Variants in CNST observed in about 807,000 individuals in gnomAD.
The protein encoded by CNST is consortin.
A neutral mutation model predicts 72.4 loss-of-function variants in CNST; 39 were observed. That is an observed-to-expected ratio of 0.54 (90% CI 0.42 to 0.70). The LOEUF (loss-of-function observed/expected upper bound fraction) is 0.70, where lower values mean the gene tolerates loss of function less well. Among genes scored for constraint, CNST ranks in the 30% least tolerant of loss-of-function variants. The probability of loss-of-function intolerance (pLI) is 0.00; values close to 1 mark genes in which losing one functional copy is unlikely to be tolerated. For synonymous variants in CNST, 332 were observed against 320.1 expected (o/e 1.04, Z -0.40); for missense variants, 871 against 868.5 (o/e 1.00, Z -0.04).
intron 2 of CNST, among the ~76,000 whole-genome samples, chr1:246,614,045 T>A (rs978305650): frequency 6.6e-6 from 1 of 151,972 alleles, no homozygotes; most frequent in African/African-American, 2.4e-5. Context: ...GCCCATCAGC[T>A]TAGTTTATGC....
rs116796981 is a variant in CNST, at chr1:246,610,519, T to A, written c.380-10910T>A. Among the ~76,000 whole-genome samples the A allele has an allele frequency of 3.8e-3, 576 of 152,354 alleles. 3 individuals carry two copies. The highest frequency in any genetic ancestry group is 6.4e-3 in the Non-Finnish European group (437 of 68,030). ...CAGAATGGGCCACACTGTACTGTTT[T>A]TTTGATATGCTTGGTGATGTCTTTG... On this transcript the variant is annotated intron_variant, in intron 2 of 10. Transcript: ENST00000366513.
chr1:246,586,509 T>C (rs1299952955), intron 1 of CNST, among the ~76,000 whole-genome samples: 1 of 149,682 alleles, frequency 6.7e-6, no homozygotes, highest in African/African-American at 2.4e-5. Context: ...TATATAAATA[T>C]ATAAATATAA....
chr1:246,659,396 C>T (rs985253835), intron 9 of CNST, among the ~76,000 whole-genome samples: 8 of 152,144 alleles, frequency 5.3e-5, no homozygotes, highest in Admixed American at 3.9e-4. Flanking sequence ...AGATCGAGAC[C>T]ATCCTGGCTA....
chr1:246,654,683 T>C (rs1666676823), intron 9 of CNST, among the ~76,000 whole-genome samples: 1 of 152,232 alleles, frequency 6.6e-6, no homozygotes, highest in African/African-American at 2.4e-5. Context: ...CTATACACAG[T>C]AAGGCTTTTT....
intron 1 of CNST, among the ~76,000 whole-genome samples, chr1:246,586,862 T>C (rs1023572163): frequency 6.6e-6 from 1 of 152,180 alleles, no homozygotes; most frequent in Non-Finnish European, 1.5e-5. Context: ...CAATTTGGTA[T>C]TTACAACATA....
At chr1:246,650,676 CTTTT>C (rs10693662) in intron 9 of CNST, among the ~76,000 whole-genome samples, 1 of 127,676 alleles carries the variant, frequency 7.8e-6, no homozygotes, top group Admixed American at 8.5e-5. Flanking sequence ...TTAATTCAAA[CTTTT>C]TTTTTTTTTT....
intron 1 of CNST, among the ~76,000 whole-genome samples, chr1:246,572,129 G>A (rs1024374804): frequency 1.3e-5 from 2 of 152,174 alleles, no homozygotes; most frequent in African/African-American, 4.8e-5. Context: ...CTACTCTGGA[G>A]GCTGAGGTGG....
At position 246,621,456 on chromosome 1, in the gene CNST, T is replaced by A; in HGVS notation, c.407T>A (p.Leu136Ter). 1 of 1,614,018 alleles carries A rather than the reference T, an allele frequency of 6.2e-7. No individual in the cohort carries two copies. The highest frequency in any genetic ancestry group is 8.5e-7 in the Non-Finnish European group (1 of 1,179,948). Residue 136 changes from leucine (L) to a stop codon, truncating the protein, a stop_gained, in exon 3 of 11, where the codon TTA (leucine) becomes TAA (stop). Transcript: ENST00000366513. LOFTEE classifies it high-confidence loss of function. ...CTTTTTTCAGGAGATATTGCACCTT[T>A]AATGCAAGAAAAAGTACTAAGCGCA... Reference protein sequence around the residue: ...PGLFSGDIAPLMQEKVLSAVT... With the variant: ...PGLFSGDIAP
At chr1:246,630,096 A>G (rs1301823388) in intron 3 of CNST, among the ~76,000 whole-genome samples, 1 of 152,228 alleles carries the variant, frequency 6.6e-6, no homozygotes, top group African/African-American at 2.4e-5. Flanking sequence ...GGAACCTGCT[A>G]GTACTGACAT....
chr1:246,614,727 C>T (rs1317526790), intron 2 of CNST, among the ~76,000 whole-genome samples: 1 of 152,136 alleles, frequency 6.6e-6, no homozygotes, highest in Non-Finnish European at 1.5e-5. Context: ...ACCTCAGCCT[C>T]CCAAAGTGCT....
intron 4 of CNST, chr1:246,632,528 A>C: frequency 2.0e-4 from 36 of 179,350 alleles, no homozygotes; most frequent in South Asian, 5.1e-4. Flanking sequence ...AGTAAATCTC[A>C]AAGCTAGCTT....
At chr1:246,637,054 G>A (rs918102948) in intron 6 of CNST, among the ~76,000 whole-genome samples, 1 of 152,232 alleles carries the variant, frequency 6.6e-6, no homozygotes, top group Admixed American at 6.5e-5. Flanking sequence ...ATCTCTGGAA[G>A]CAGGTGTTTA....
At chr1:246,594,520 C>T (rs1661750828) in intron 2 of CNST, among the ~76,000 whole-genome samples, 1 of 152,090 alleles carries the variant, frequency 6.6e-6, no homozygotes, top group Non-Finnish European at 1.5e-5. Flanking sequence ...CCTGTAATCC[C>T]AGCACTTTGG....
chr1:246,658,370 T>G (rs918333730), intron 9 of CNST, among the ~76,000 whole-genome samples: 10 of 152,202 alleles, frequency 6.6e-5, no homozygotes, highest in African/African-American at 2.4e-4. Context: ...ATTTGTACTT[T>G]ACCATTTCAA....
At chr1:246,579,572 C>T (rs1660655611) in intron 1 of CNST, among the ~76,000 whole-genome samples, 1 of 152,162 alleles carries the variant, frequency 6.6e-6, no homozygotes, top group Non-Finnish European at 1.5e-5. Context: ...AGTTCAAGAC[C>T]AGCCCAGGAA....
chr1:246,616,917 T>G (rs1572183779), intron 2 of CNST, among the ~76,000 whole-genome samples: 1 of 151,900 alleles, frequency 6.6e-6, no homozygotes, highest in Non-Finnish European at 1.5e-5. Context: ...ATAATAAAAA[T>G]TTTTTGAAAT....
intron 1 of CNST, among the ~76,000 whole-genome samples, chr1:246,579,444 A>G (rs545593852): frequency 3.3e-5 from 5 of 152,346 alleles, no homozygotes; most frequent in Admixed American, 2.0e-4. Flanking sequence ...AGTGCTATGC[A>G]TCTTGCTATC....
chr1:246,629,560 A>G (rs185080778), intron 3 of CNST, among the ~76,000 whole-genome samples: 1 of 152,350 alleles, frequency 6.6e-6, no homozygotes, highest in African/African-American at 2.4e-5. Context: ...AGAGCTATTT[A>G]TAAGTAACCA....
chr1:246,566,836 C>T, intron 1 of CNST, 173 bp downstream of exon 1: 1 of 396,136 alleles, frequency 2.5e-6, no homozygotes, highest in Non-Finnish European at 4.4e-6. Flanking sequence ...CTCAGGTCGC[C>T]TGTTTTCCTC....
Sources: gnomAD v4.1 joint callset for allele counts (sites outside exome capture counted in the v4.1 genomes callset) on GRCh38, gnomAD v4.1.1 for gene constraint, MANE v1.5 for transcripts, NCBI Gene and HGNC (gene_info 2026-07-23, HGNC 2026-07-21) for gene names.